The following GABRB1 variants were observed in gnomAD, a reference collection of about 807,000 sequenced individuals.
GABRB1 encodes the protein gamma-aminobutyric acid receptor subunit beta-1.
In GABRB1, 17 loss-of-function variants were observed where a neutral mutation model predicts 51.6. That is an observed-to-expected ratio of 0.33 (90% CI 0.23 to 0.49). The LOEUF (loss-of-function observed/expected upper bound fraction) is 0.49, where lower values mean the gene tolerates loss of function less well. GABRB1 is among the 20% of genes least tolerant of loss of function. The pLI, the probability that GABRB1 is intolerant of heterozygous loss-of-function variation, is 0.99. For missense variants in GABRB1, 410 were observed against 600.6 expected, an observed-to-expected ratio of 0.68 and a Z score of 3.32; for synonymous variants, 247 against 218.9, an observed-to-expected ratio of 1.13 and a Z score of -1.14.
At chr4:47,182,116 G>A (rs1435910062) in intron 4 of GABRB1, among the ~76,000 whole-genome samples, 1 of 148,318 alleles carries the variant, frequency 6.7e-6, no homozygotes, top group Non-Finnish European at 1.5e-5. Context: ...TAGAGGCACT[G>A]ATAACTTTGT....
At chr4:47,256,734 G>A (rs1722216309) in intron 4 of GABRB1, among the ~76,000 whole-genome samples, 1 of 152,088 alleles carries the variant, frequency 6.6e-6, no homozygotes, top group Non-Finnish European at 1.5e-5. Context: ...ATGAGATCTT[G>A]TGACAACTCA....
At chr4:47,211,679 C>T (rs958166316) in intron 4 of GABRB1, among the ~76,000 whole-genome samples, 6 of 152,182 alleles carry the variant, frequency 3.9e-5, no homozygotes, top group African/African-American at 1.4e-4. Context: ...CATCAAACAG[C>T]TCTGGAAGTC....
At chr4:47,234,893 G>A (rs181111797) in intron 4 of GABRB1, among the ~76,000 whole-genome samples, 1 of 152,280 alleles carries the variant, frequency 6.6e-6, no homozygotes, top group East Asian at 1.9e-4. Context: ...GCCTCACACT[G>A]TTCTATTTGC....
In GABRB1 at chr4:47,039,399, G is replaced by A. The variant is rs1205009442; in HGVS notation, c.240+6915G>A. On this transcript the variant is annotated intron_variant, in intron 3 of 8. Transcript: ENST00000295454. ...AACCAGGCAACTAGATATGGTCTCTGTTCTTGTAGAGCTTATAGTCTTTTT... is the reference window on the plus strand; with the variant it reads ...AACCAGGCAACTAGATATGGTCTCTATTCTTGTAGAGCTTATAGTCTTTTT... Among the ~76,000 whole-genome samples, 6 of 147,370 alleles carry A rather than the reference G, an allele frequency of 4.1e-5. No individual in the cohort carries two copies. The East Asian group carries it at 9.9e-4, about 24-fold the overall frequency.
chr4:47,244,606 T>C (rs935008329), intron 4 of GABRB1, among the ~76,000 whole-genome samples: 2 of 152,150 alleles, frequency 1.3e-5, no homozygotes, highest in Admixed American at 1.3e-4. Flanking sequence ...CCTGGTTTAG[T>C]CTTGGGAGGG....
At chr4:47,269,724 G>A (rs141182082) in intron 4 of GABRB1, among the ~76,000 whole-genome samples, 39 of 151,752 alleles carry the variant, frequency 2.6e-4, no homozygotes, top group African/African-American at 6.5e-4. Context: ...ATTATGTGTC[G>A]GGGATGATAC....
intron 3 of GABRB1, among the ~76,000 whole-genome samples, chr4:47,100,281 C>T (rs1406863672): frequency 6.6e-6 from 1 of 151,854 alleles, no homozygotes; most frequent in Non-Finnish European, 1.5e-5. Context: ...TAAAATTATA[C>T]CTAATAGCCT....
chr4:47,425,745 C>G lies in GABRB1; in HGVS notation c.1152C>G (p.Leu384=). ...ATGAGACGAGTGGCTCGGAAGTGCT[C>G]ACGAGCGTGAGCGACCCCAAGGCCA... ...IRNETSGSEV[L]TSVSDPKATM... The change falls in exon 9 of 9, where the codon CTC becomes CTG. Residue 384 remains leucine (L), a synonymous_variant. Transcript: ENST00000295454. The G allele has an allele frequency of 6.2e-7, 1 of 1,614,156 alleles. No homozygotes were observed. Among genetic ancestry groups the G allele is most frequent in the Non-Finnish European group, 8.5e-7 (1 of 1,179,996 alleles).
At chr4:47,219,770 C>A (rs1720698840) in intron 4 of GABRB1, among the ~76,000 whole-genome samples, 1 of 151,842 alleles carries the variant, frequency 6.6e-6, no homozygotes, top group South Asian at 2.1e-4. Context: ...CTATCTAAAT[C>A]TCCTCCTCTC....
intron 3 of GABRB1, among the ~76,000 whole-genome samples, chr4:47,160,102 A>T (rs978573585): frequency 1.3e-5 from 2 of 152,048 alleles, no homozygotes; most frequent in African/African-American, 2.4e-5. Flanking sequence ...TATTTGGAAA[A>T]CCATCCCTTC....
chr4:47,421,819 T>A (rs1280863887), intron 8 of GABRB1, among the ~76,000 whole-genome samples: 1 of 152,112 alleles, frequency 6.6e-6, no homozygotes, highest in Non-Finnish European at 1.5e-5. Context: ...CCCAATATTA[T>A]GCTTCACTCT....
At chr4:47,126,250 T>C (rs1716138635) in intron 3 of GABRB1, among the ~76,000 whole-genome samples, 1 of 152,046 alleles carries the variant, frequency 6.6e-6, no homozygotes, top group African/African-American at 2.4e-5. Context: ...AACTCAATAA[T>C]AGAATAGGTT....
At chr4:47,313,493 C>G (rs1023968707) in intron 4 of GABRB1, among the ~76,000 whole-genome samples, 3 of 152,096 alleles carry the variant, frequency 2.0e-5, no homozygotes, top group African/African-American at 7.2e-5. Flanking sequence ...GCAAGGAGAA[C>G]AAATGGAAAT....
At chr4:47,322,118 T>A (rs577467457) in intron 5 of GABRB1, among the ~76,000 whole-genome samples, 2 of 152,120 alleles carry the variant, frequency 1.3e-5, no homozygotes, top group South Asian at 4.1e-4. Context: ...AATGTAACTT[T>A]TGTGGGGAAG....
At chr4:47,350,210 T>C (rs577315971) in intron 5 of GABRB1, among the ~76,000 whole-genome samples, 4 of 88,812 alleles carry the variant, frequency 4.5e-5, no homozygotes, top group African/African-American at 1.9e-4. Flanking sequence ...TATATATATA[T>C]ATATATATAG....
chr4:47,161,834 A>G (rs1036871204), intron 4 of GABRB1, among the ~76,000 whole-genome samples: 2 of 152,082 alleles, frequency 1.3e-5, no homozygotes, highest in Non-Finnish European at 2.9e-5. Context: ...CTGTTGTTTC[A>G]GAGTGTTCAT....
intron 3 of GABRB1, among the ~76,000 whole-genome samples, chr4:47,057,652 C>T (rs1338233149): frequency 2.0e-5 from 3 of 152,206 alleles, no homozygotes; most frequent in Admixed American, 2.0e-4. Flanking sequence ...TGGCTAACTA[C>T]ATAGCAGTGA....
At chr4:47,403,187 T>G in intron 5 of GABRB1, 131 bp from the exon 6 acceptor site, 1 of 880,290 alleles carries the variant, frequency 1.1e-6, no homozygotes, top group Non-Finnish European at 1.8e-6. Flanking sequence ...ACATGAGACC[T>G]GCATACCACC....
chr4:47,012,278 A>G (rs1186551606), intron 1 of GABRB1, among the ~76,000 whole-genome samples: 1 of 152,184 alleles, frequency 6.6e-6, no homozygotes, highest in Non-Finnish European at 1.5e-5. Context: ...TTTGTTGTAC[A>G]GATTATTTCA....
Sources: allele counts gnomAD v4.1 joint callset (sites outside exome capture counted in the v4.1 genomes callset), GRCh38; gene constraint gnomAD v4.1.1; transcripts MANE v1.5; gene names NCBI Gene and HGNC (gene_info 2026-07-23, HGNC 2026-07-21).